FRMD1: variants seen among roughly 807,000 people sequenced by gnomAD.
FRMD1 encodes FERM domain-containing protein 1.
FRMD1 carries 51 observed loss-of-function variants against 54.9 expected under a neutral mutation model. The ratio of observed to expected loss-of-function variants is 0.93; its 90% CI spans 0.74 to 1.17. The LOEUF is 1.17. Among genes scored for constraint, FRMD1 ranks in the 50% most tolerant of loss-of-function variants. FRMD1 has a pLI of 0.00. For missense variants in FRMD1, 729 were observed against 743.0 expected (o/e 0.98, Z 0.22); for synonymous variants, 324 against 306.4 (o/e 1.06, Z -0.60).
intron 1 of FRMD1, among the ~76,000 whole-genome samples, chr6:168,090,710 C>T (rs1801001510): frequency 6.6e-6 from 1 of 152,254 alleles, no homozygotes; most frequent in Non-Finnish European, 1.5e-5. Flanking sequence ...CTCCCCACTG[C>T]TGAGAGCAGT....
chr6:168,079,581 C>T (rs1183659370), upstream of FRMD1, among the ~76,000 whole-genome samples: 5 of 152,190 alleles, frequency 3.3e-5, no homozygotes, highest in African/African-American at 1.2e-4. Context: ...AGGAAGGCAG[C>T]CTGGGTGGGC....
chr6:168,089,118 G>A (rs1345446515), intron 1 of FRMD1, among the ~76,000 whole-genome samples: 1 of 152,246 alleles, frequency 6.6e-6, no homozygotes, highest in Non-Finnish European at 1.5e-5. Context: ...CTGCCTGGGG[G>A]GCTGCACTGG....
intron 6 of FRMD1, 40 bp downstream of exon 6, chr6:168,063,561 A>C (rs1327657896): frequency 1.3e-6 from 2 of 1,566,290 alleles, no homozygotes; most frequent in Non-Finnish European, 1.7e-6. Context: ...CCTGGCCTGG[A>C]GTCAGAGTCC....
chr6:168,074,341 A>T (rs1240158822), intron 2 of FRMD1, among the ~76,000 whole-genome samples: 1 of 152,178 alleles, frequency 6.6e-6, no homozygotes, highest in Non-Finnish European at 1.5e-5. Context: ...ACTGCCCCCC[A>T]GAACAGCACA....
chr6:168,062,337 G>C (rs1799789614), intron 7 of FRMD1, among the ~76,000 whole-genome samples: 1 of 152,248 alleles, frequency 6.6e-6, no homozygotes, highest in Non-Finnish European at 1.5e-5. Flanking sequence ...GTGACCCTGG[G>C]TGACAGCTCT....
intron 9 of FRMD1, 140 bp downstream of exon 9, chr6:168,060,621 A>G: frequency 1.2e-6 from 1 of 805,726 alleles, no homozygotes; most frequent in South Asian, 1.8e-5. Flanking sequence ...GACTCAGGTC[A>G]CAAGCAGCCC....
upstream of FRMD1, among the ~76,000 whole-genome samples, chr6:168,080,066 C>A (rs73030329): frequency 0.11 from 16,190 of 152,206 alleles, 862 homozygotes; most frequent in African/African-American, 0.12. Flanking sequence ...GTCTGGGATG[C>A]TCTGGGACCT....
At chr6:168,079,987 C>T (rs1475176278), upstream of FRMD1, among the ~76,000 whole-genome samples, 1 of 152,110 alleles carries the variant, frequency 6.6e-6, no homozygotes, top group East Asian at 1.9e-4. Context: ...TCAGGAGAGG[C>T]AGTTCCCACG....
upstream of FRMD1, among the ~76,000 whole-genome samples, chr6:168,084,812 G>A (rs1019661014): frequency 3.3e-5 from 5 of 152,246 alleles, no homozygotes; most frequent in Non-Finnish European, 7.3e-5. Flanking sequence ...TCCCATGGTC[G>A]AGAGGTCCCG....
Position 168,063,734 on chromosome 6 carries a change from T to A in FRMD1, c.671A>T (p.Asp224Val). Reference sequence around the variant, plus strand: ...GGTAGGCATGTGCCGGAGGATGTAGTCAATCCCCCTCTTGGTGATGATCTG... The same window carrying A: ...GGTAGGCATGTGCCGGAGGATGTAGACAATCCCCCTCTTGGTGATGATCTG... ...PQWIITKRGI[D>V]YILRHMPTLH... Residue 224 changes from aspartate to valine, a missense_variant, in exon 6 of 11, where the codon GAC becomes GTC. Asp to Val is a radical substitution (Grantham distance 152). Coordinates refer to ENST00000283309, the MANE Select transcript of FRMD1 (RefSeq NM_024919.6). 6.2e-7 allele frequency: 1 copy of A among 1,613,054 alleles called. No individual in the cohort carries two copies. Among genetic ancestry groups the A allele is most frequent in the Non-Finnish European group, 8.5e-7 (1 of 1,179,406 alleles).
upstream of FRMD1, among the ~76,000 whole-genome samples, chr6:168,080,041 G>A (rs907950916): frequency 1.3e-5 from 2 of 152,144 alleles, no homozygotes; most frequent in Non-Finnish European, 2.9e-5. Flanking sequence ...AGCTCCATCA[G>A]TTTCCTGCCA....
chr6:168,082,327 G>A (rs1034798715), upstream of FRMD1, among the ~76,000 whole-genome samples: 9 of 152,210 alleles, frequency 5.9e-5, no homozygotes, highest in African/African-American at 9.7e-5. Flanking sequence ...GCCAGCCGGG[G>A]TCTTGCTCCA....
upstream of FRMD1, among the ~76,000 whole-genome samples, chr6:168,082,636 T>C (rs1411487713): frequency 6.6e-6 from 1 of 152,144 alleles, no homozygotes; most frequent in Admixed American, 6.5e-5. Flanking sequence ...AAGTGACTTG[T>C]TCAGGGCCCC....
In FRMD1 at chr6:168,061,800, G is replaced by T; in HGVS notation, c.1045+7C>A. The T allele has an allele frequency of 6.5e-7, 1 of 1,547,698 alleles. No homozygotes were observed. On this transcript the variant is annotated splice_region_variant and intron_variant, in intron 8 of 10. Transcript: ENST00000283309. ...TGCGGAGCCCAGCATACCCAGCCCA[G>T]CCCCACCTTCTGCCTCCTCCCGCTG...
chr6:168,072,224 TGGG>T (rs1251287489), intron 2 of FRMD1, among the ~76,000 whole-genome samples: 1 of 152,056 alleles, frequency 6.6e-6, no homozygotes, highest in Non-Finnish European at 1.5e-5. Flanking sequence ...CACCCCCTGC[TGGG>T]AGGGGAGGTC....
At position 168,062,819 on chromosome 6, in the gene FRMD1, A is replaced by T. The variant is rs1017007215; in HGVS notation, c.870+75T>A. ...CCGCTGCAGGGATGCTACACAGCCCAGACTCCAGTGGGGAAGGGAGGAGGG... is the reference window on the plus strand; with the variant it reads ...CCGCTGCAGGGATGCTACACAGCCCTGACTCCAGTGGGGAAGGGAGGAGGG... On this transcript the variant is annotated intron_variant, in intron 7 of 10. Coordinates refer to ENST00000283309, the MANE Select transcript of FRMD1 (RefSeq NM_024919.6). The T allele has an allele frequency of 4.4e-6, 7 of 1,605,158 alleles. No homozygotes were observed. In the African/African-American group the frequency reaches 6.7e-5, roughly 15 times the overall value.
intron 2 of FRMD1, among the ~76,000 whole-genome samples, chr6:168,072,982 T>C (rs981633483): frequency 2.6e-5 from 4 of 152,116 alleles, no homozygotes; most frequent in African/African-American, 7.2e-5. Context: ...CAGGTTCCCA[T>C]GGGGGCACAG....
In FRMD1 at chr6:168,063,747, T is replaced by G. The variant is rs1239218723; in HGVS notation, c.658A>C (p.Lys220Gln). 1 of 1,612,380 alleles carries G rather than the reference T, an allele frequency of 6.2e-7. No individual in the cohort carries two copies. The highest frequency in any genetic ancestry group is 8.5e-7 in the Non-Finnish European group (1 of 1,179,108). ...HSYFPQWIIT[K>Q]RGIDYILRHM... The stretch of plus-strand genomic sequence containing the variant: ...CGGAGGATGTAGTCAATCCCCCTCT[T>G]GGTGATGATCTGAGGACAGAGCCGG... Residue 220 changes from lysine (K) to glutamine (Q), a missense_variant, in exon 6 of 11, where the codon AAG (lysine) becomes CAG (glutamine). Transcript: ENST00000283309.
Position 168,056,410 on chromosome 6 carries a change from G to A in FRMD1, c.*687C>T, listed in dbSNP as rs1554253712. 1 of 152,490 alleles carries A rather than the reference G, an allele frequency of 6.6e-6. No individual in the cohort carries two copies. Among genetic ancestry groups the A allele is most frequent in the Non-Finnish European group, 1.5e-5 (1 of 68,266 alleles). 9.4% of individuals were successfully genotyped at this position (152,490 alleles called of 1,614,324 possible). On this transcript the variant is annotated 3_prime_UTR_variant, in exon 11 of 11. Transcript: ENST00000283309. ...AGGCCTCATGGCTGAGATGGGAGCA[G>A]AGTCGGCTTCAGCTCCGGGGCAGTG...
Sources: gnomAD v4.1 joint callset for allele counts (sites outside exome capture counted in the v4.1 genomes callset) on GRCh38, gnomAD v4.1.1 for gene constraint, MANE v1.5 for transcripts, NCBI Gene and HGNC (gene_info 2026-07-23, HGNC 2026-07-21) for gene names.